ANKRD30A: variants seen among roughly 807,000 people sequenced by gnomAD.
ANKRD30A encodes ankyrin repeat domain 30A, also known as ankyrin repeat domain-containing protein 30A.
A neutral mutation model predicts 166.3 loss-of-function variants in ANKRD30A; 170 were observed. The ratio of observed to expected loss-of-function variants is 1.02; its 90% CI spans 0.90 to 1.16. The LOEUF (loss-of-function observed/expected upper bound fraction) is 1.16. ANKRD30A is among the 50% of genes most tolerant of loss of function. The pLI, the probability that ANKRD30A is intolerant of heterozygous loss-of-function variation, is 0.00. For missense variants in ANKRD30A, 1,630 were observed against 1,518.0 expected (o/e 1.07, Z -1.23); for synonymous variants, 564 against 508.9 (o/e 1.11, Z -1.46).
intron 24 of ANKRD30A, among the ~76,000 whole-genome samples, chr10:37,183,162 A>G (rs1285995316): frequency 6.7e-6 from 1 of 149,426 alleles, no homozygotes; most frequent in Non-Finnish European, 1.5e-5. Context: ...AGAAATTAAA[A>G]TGAAAATATT....
chr10:37,129,554 G>A (rs1836251844), intron 1 of ANKRD30A, among the ~76,000 whole-genome samples: 1 of 152,162 alleles, frequency 6.6e-6, no homozygotes, highest in Non-Finnish European at 1.5e-5. Context: ...GTGATAACCT[G>A]TGAGATAACT....
intron 31 of ANKRD30A, among the ~76,000 whole-genome samples, chr10:37,214,382 A>T (rs995457242): frequency 6.6e-6 from 1 of 151,378 alleles, no homozygotes; most frequent in African/African-American, 2.4e-5. Flanking sequence ...AGAGGTTTTT[A>T]GACCACTTTA....
At chr10:37,211,264 T>A (rs1842297933) in intron 31 of ANKRD30A, among the ~76,000 whole-genome samples, 1 of 152,052 alleles carries the variant, frequency 6.6e-6, no homozygotes, top group South Asian at 2.1e-4. Flanking sequence ...TAACATTAGG[T>A]ATATCTCCTA....
At chr10:37,155,430 C>T (rs17590589) in intron 13 of ANKRD30A, among the ~76,000 whole-genome samples, 2 of 152,120 alleles carry the variant, frequency 1.3e-5, no homozygotes, top group Non-Finnish European at 2.9e-5. Flanking sequence ...ATTACACTTT[C>T]ACTGATGAGA....
intron 15 of ANKRD30A, among the ~76,000 whole-genome samples, chr10:37,159,346 A>T (rs879689836): frequency 1.6e-4 from 24 of 152,148 alleles, no homozygotes; most frequent in African/African-American, 4.6e-4. Context: ...GTGAAACCCC[A>T]TCTCTACTAA....
In ANKRD30A at chr10:37,193,101, T is replaced by A. The variant is rs543680636; in HGVS notation, c.2541+9T>A. 1.9e-6 allele frequency: 3 copies of A among 1,603,242 alleles called. No individual in the cohort carries two copies. Among genetic ancestry groups the A allele is most frequent in the Non-Finnish European group, 2.6e-6 (3 of 1,171,200 alleles). On this transcript the variant is annotated intron_variant, in intron 26 of 35. Coordinates refer to ENST00000361713, the MANE Select transcript of ANKRD30A (RefSeq NM_052997.3). ...ATGATGGTTTTCTGAAGGTAATAAC[T>A]TTTATATTTTTATCTTGAGTATTAA... is the stretch of plus-strand genomic sequence containing the variant.
chr10:37,248,763 A>G, the ANKRD30A span, among the ~76,000 whole-genome samples: 6 of 152,012 alleles, frequency 3.9e-5, no homozygotes, highest in African/African-American at 1.5e-4. Flanking sequence ...GGTAATTCTC[A>G]GAAACCCATG....
At chr10:37,160,968 T>C (rs1838806032) in intron 15 of ANKRD30A, among the ~76,000 whole-genome samples, 1 of 152,134 alleles carries the variant, frequency 6.6e-6, no homozygotes, top group Non-Finnish European at 1.5e-5. Flanking sequence ...ATTTTAAAAA[T>C]GGTGACTGGG....
chr10:37,201,657 AG>A (rs1431745340), intron 31 of ANKRD30A, among the ~76,000 whole-genome samples: 1 of 152,142 alleles, frequency 6.6e-6, no homozygotes, highest in African/African-American at 2.4e-5. Flanking sequence ...AACAAGAATC[AG>A]GTTTATATAA....
At chr10:37,240,743 A>G in the ANKRD30A span, 6 of 152,162 alleles carry the variant, frequency 3.9e-5, no homozygotes, top group Admixed American at 6.6e-5. Context: ...CAAAAAGTCT[A>G]CAATATTGAC....
Position 37,125,771 on chromosome 10 carries a change from A to C in ANKRD30A, c.-17A>C. The C allele has an allele frequency of 1.6e-6, 1 of 624,960 alleles. No individual in the cohort carries two copies. Among genetic ancestry groups the C allele is most frequent in the Non-Finnish European group, 2.9e-6 (1 of 349,050 alleles). 38.7% of individuals were successfully genotyped at this position (624,960 alleles called of 1,614,324 possible). On this transcript the variant is annotated 5_prime_UTR_variant, in exon 1 of 36. Coordinates refer to ENST00000361713, the MANE Select transcript of ANKRD30A (RefSeq NM_052997.3). ...CGATCGGGAGGCGCGGGCACTCTCT[A>C]GCAGGTGGCCGCAGCCATGGAGGAG... is the stretch of plus-strand genomic sequence containing the variant.
intron 11 of ANKRD30A, among the ~76,000 whole-genome samples, chr10:37,151,129 G>A (rs1008775007): frequency 3.3e-5 from 5 of 151,640 alleles, no homozygotes; most frequent in East Asian, 3.9e-4. Context: ...AATGAGAAAC[G>A]TATGCATAGT....
chr10:37,256,072 C>G, the ANKRD30A span, among the ~76,000 whole-genome samples: 1 of 152,134 alleles, frequency 6.6e-6, no homozygotes, highest in Non-Finnish European at 1.5e-5. Flanking sequence ...CAAGCGCTGT[C>G]TGTATTCAGA....
chr10:37,217,716 AGAG>A lies in ANKRD30A; in HGVS notation c.3106_3108del (p.Glu1036del). Reference sequence around the variant, plus strand: ...GCAGATTGACTTTAAACCAAGAAGAAGAGAAGAGAAGAAATGCCGATATATTAA... The same window carrying A: ...GCAGATTGACTTTAAACCAAGAAGAAAAGAGAAGAAATGCCGATATATTAA... On this transcript the variant is annotated inframe_deletion, in exon 33 of 36. Coordinates refer to ENST00000361713, the MANE Select transcript of ANKRD30A (RefSeq NM_052997.3). 1 of 1,575,392 alleles carries A rather than the reference AGAG, an allele frequency of 6.3e-7. No individual in the cohort carries two copies. The highest frequency in any genetic ancestry group is 8.6e-7 in the Non-Finnish European group (1 of 1,164,644).
chr10:37,159,735 A>G (rs1395681440), intron 15 of ANKRD30A, among the ~76,000 whole-genome samples: 1 of 151,494 alleles, frequency 6.6e-6, no homozygotes, highest in African/African-American at 2.4e-5. Context: ...TTTTGAGATC[A>G]CCCAGGCTGG....
intron 13 of ANKRD30A, among the ~76,000 whole-genome samples, chr10:37,158,004 T>G (rs1203309644): frequency 6.6e-6 from 1 of 151,956 alleles, no homozygotes; most frequent in Non-Finnish European, 1.5e-5. Flanking sequence ...GCCATAGCAT[T>G]CTCCCATTAG....
intron 34 of ANKRD30A, among the ~76,000 whole-genome samples, chr10:37,224,901 T>A (rs1843072544): frequency 6.6e-6 from 1 of 151,668 alleles, no homozygotes; most frequent in African/African-American, 2.4e-5. Flanking sequence ...TGATAATTTA[T>A]GTGTGTGTGT....
At chr10:37,164,930 C>G (rs949634063) in intron 17 of ANKRD30A, among the ~76,000 whole-genome samples, 164 bp from the exon 18 acceptor site, 1 of 151,986 alleles carries the variant, frequency 6.6e-6, no homozygotes, top group Admixed American at 6.6e-5. Context: ...GATTTCAATT[C>G]TTTTGGAATG....
At chr10:37,238,780 G>T in the ANKRD30A span, among the ~76,000 whole-genome samples, 2 of 152,114 alleles carry the variant, frequency 1.3e-5, no homozygotes, top group Non-Finnish European at 2.9e-5. Flanking sequence ...TTTTCATAGT[G>T]TTTATTAAAG....
Sources: gnomAD v4.1 joint callset for allele counts (sites outside exome capture counted in the v4.1 genomes callset) on GRCh38, gnomAD v4.1.1 for gene constraint, MANE v1.5 for transcripts, NCBI Gene and HGNC (gene_info 2026-07-23, HGNC 2026-07-21) for gene names.